The following DNER variants were observed in gnomAD, a reference collection of about 807,000 sequenced individuals.
The protein encoded by DNER is delta and Notch-like epidermal growth factor-related receptor.
Under a neutral mutation model 78.2 loss-of-function variants are expected in DNER, and 33 were observed. The observed-to-expected ratio is 0.42, with a 90% confidence interval of 0.32 to 0.56. The LOEUF is 0.56. DNER is among the 20% of genes least tolerant of loss of function. The probability of loss-of-function intolerance (pLI) is 0.11; values close to 1 mark genes in which losing one functional copy is unlikely to be tolerated. For missense variants in DNER, 918 were observed against 975.3 expected (o/e 0.94, Z 0.78); for synonymous variants, 417 against 384.8 (o/e 1.08, Z -0.98).
At chr2:229,497,568 A>C (rs1370429533) in intron 6 of DNER, among the ~76,000 whole-genome samples, 3 of 152,156 alleles carry the variant, frequency 2.0e-5, no homozygotes, top group African/African-American at 7.2e-5. Flanking sequence ...AAAGTAAAAA[A>C]GAAGACTTAA....
Position 229,447,417 on chromosome 2 carries a change from C to T in DNER, c.1385G>A (p.Gly462Glu), listed in dbSNP as rs745866460. The change falls in exon 8 of 13, where the codon GGG (glycine) becomes GAG (glutamate). Residue 462 changes from glycine to glutamate, a missense_variant. Physicochemically the swap from Gly to Glu is moderately conservative, Grantham distance 98 (BLOSUM62 -2). Transcript: ENST00000341772. ...FTCNCSPGFTGPTCAQLIDFC... is the reference protein window; with the variant it reads ...FTCNCSPGFTEPTCAQLIDFC... ...GTCAATAAGCTGGGCACAGGTCGGC[C>T]CTGTGAAGCCCGGGCTGCAGTTGCA... 6.3e-5 allele frequency: 102 copies of T among 1,613,846 alleles called. No homozygotes were observed. The Middle Eastern group carries it at 6.6e-4, about 10-fold the overall frequency.
At chr2:229,455,412 T>C (rs1446870215) in intron 7 of DNER, among the ~76,000 whole-genome samples, 1 of 152,100 alleles carries the variant, frequency 6.6e-6, no homozygotes, top group East Asian at 1.9e-4. Context: ...TAAACGGTGG[T>C]TCTGGGGTAA....
intron 1 of DNER, among the ~76,000 whole-genome samples, chr2:229,617,210 A>C (rs1234001567): frequency 6.6e-6 from 1 of 152,238 alleles, no homozygotes; most frequent in African/African-American, 2.4e-5. Context: ...TTGATTCCAT[A>C]ACAGTAAATG....
rs1002475477 is a variant in DNER, at chr2:229,550,486, C to A, written c.848-3394G>T. On this transcript the variant is annotated intron_variant, in intron 4 of 12. Transcript: ENST00000341772. ...TCCTCACAATTTGTTCTTATAAGTA[C>A]GTTAAGTTGGCCGGGCGCAGTGGCT... Among the ~76,000 whole-genome samples, 7 of 152,046 alleles carry A rather than the reference C, an allele frequency of 4.6e-5. No individual in the cohort carries two copies. The East Asian group carries it at 1.4e-3, about 30-fold the overall frequency.
chr2:229,503,542 C>T (rs899842143), intron 6 of DNER, among the ~76,000 whole-genome samples: 1 of 152,120 alleles, frequency 6.6e-6, no homozygotes, highest in Admixed American at 6.5e-5. Flanking sequence ...ATAACAGATG[C>T]CTTAAAGGGT....
In DNER at chr2:229,407,314, G is replaced by T; in HGVS notation, c.1641C>A (p.Cys547Ter). ...CTCCGTTCAGACAGCTGACGTTAGC[G>T]CAGGGATCCTTGTACAATTCACAGT... is the stretch of plus-strand genomic sequence containing the variant. ...GTHCELYKDP[C>*]ANVSCLNGAT... Residue 547 changes from cysteine (C) to a stop codon, truncating the protein, a stop_gained, in exon 10 of 13, where the codon TGC becomes TGA. Coordinates refer to ENST00000341772, the MANE Select transcript of DNER (RefSeq NM_139072.4). LOFTEE classifies it high-confidence loss of function. 1.2e-6 allele frequency: 2 copies of T among 1,613,904 alleles called. No individual in the cohort carries two copies. Among genetic ancestry groups the T allele is most frequent in the Non-Finnish European group, 1.7e-6 (2 of 1,179,838 alleles).
intron 5 of DNER, among the ~76,000 whole-genome samples, chr2:229,524,019 C>G (rs1574884552): frequency 6.6e-6 from 1 of 152,240 alleles, no homozygotes; most frequent in South Asian, 2.1e-4. Flanking sequence ...CTCATAGCTA[C>G]CTCTGAGGTG....
chr2:229,473,415 GTC>G (rs1694966254), intron 7 of DNER, among the ~76,000 whole-genome samples: 1 of 152,204 alleles, frequency 6.6e-6, no homozygotes, highest in Non-Finnish European at 1.5e-5. Flanking sequence ...TCTGGGTTTA[GTC>G]TCCATTTCTG....
intron 1 of DNER, among the ~76,000 whole-genome samples, chr2:229,711,956 C>T (rs1020177042): frequency 2.0e-5 from 3 of 151,684 alleles, no homozygotes; most frequent in Non-Finnish European, 2.9e-5. Flanking sequence ...AGATCATGAA[C>T]GATTAAATTA....
At chr2:229,525,336 T>C (rs75116838) in intron 5 of DNER, among the ~76,000 whole-genome samples, 1,827 of 152,288 alleles carry the variant, frequency 0.012, 38 homozygotes, top group Middle Eastern at 0.054. Flanking sequence ...AGACTGTAAA[T>C]AAATTTTTAA....
At position 229,591,458 on chromosome 2, in the gene DNER, T is replaced by C. The variant is rs535921142; in HGVS notation, c.585+122A>G. On this transcript the variant is annotated intron_variant, in intron 2 of 12. Transcript: ENST00000341772. The surrounding 1 kb of genome is among the most constrained non-coding windows in gnomAD (Gnocchi z 4.6). Reference sequence around the variant, plus strand: ...GCAGACAGGAATAAGTTTAGGGAGATATTTTGCTTCGTGATTTAACTTAAA... The same window carrying C: ...GCAGACAGGAATAAGTTTAGGGAGACATTTTGCTTCGTGATTTAACTTAAA... 58 of 1,192,124 alleles carry C rather than the reference T, an allele frequency of 4.9e-5. No individual in the cohort carries two copies. In the African/African-American group the frequency reaches 8.0e-4, roughly 17 times the overall value. The allele number at this position is 1,192,124 out of a possible 1,614,324, so 73.8% of individuals were successfully genotyped here.
chr2:229,510,314 G>A (rs769269), intron 6 of DNER, among the ~76,000 whole-genome samples: 117,506 of 152,194 alleles, frequency 0.77, 47,747 homozygotes, highest in Non-Finnish European at 0.91. Context: ...CACTGCGAAG[G>A]GATGCCCTGC....
intron 6 of DNER, among the ~76,000 whole-genome samples, chr2:229,494,462 C>A (rs980964886): frequency 9.2e-5 from 14 of 152,204 alleles, no homozygotes; most frequent in Non-Finnish European, 1.8e-4. Context: ...CCAAGCAAGT[C>A]TAAAACTCTA....
rs145750235 is a variant in DNER at position 229,473,035 on chromosome 2, C to T, written c.1261+4105G>A. On this transcript the variant is annotated intron_variant, in intron 7 of 12. Coordinates refer to ENST00000341772, the MANE Select transcript of DNER (RefSeq NM_139072.4). ...ACCCAGAACAGATGTTCAATCTCTA[C>T]GGGCCTACCCAGGTCAGATGGAAAA... Among the ~76,000 whole-genome samples the T allele has an allele frequency of 2.3e-3, 352 of 152,178 alleles. 1 individual carries two copies. The highest frequency in any genetic ancestry group is 8.1e-3 in the African/African-American group (337 of 41,524).
At chr2:229,712,515 T>A (rs1200812808) in intron 1 of DNER, among the ~76,000 whole-genome samples, 1 of 152,182 alleles carries the variant, frequency 6.6e-6, no homozygotes, top group Admixed American at 6.5e-5. Flanking sequence ...CAACTATTTC[T>A]TTGAAGGATA....
chr2:229,681,969 C>G (rs1254233029), intron 1 of DNER, among the ~76,000 whole-genome samples: 1 of 151,900 alleles, frequency 6.6e-6, no homozygotes, highest in African/African-American at 2.4e-5. Context: ...CAACAGATTG[C>G]CAGATCCTCT....
chr2:229,419,215 G>T (rs1693712364), intron 8 of DNER, among the ~76,000 whole-genome samples: 1 of 152,090 alleles, frequency 6.6e-6, no homozygotes, highest in Non-Finnish European at 1.5e-5. Context: ...TTGCAAAACA[G>T]GTGTTTATTC....
At chr2:229,446,702 T>G (rs1694350082) in intron 8 of DNER, among the ~76,000 whole-genome samples, 1 of 152,218 alleles carries the variant, frequency 6.6e-6, no homozygotes, top group African/African-American at 2.4e-5. Context: ...AATCACTCAC[T>G]TCTAGGTATC....
At chr2:229,395,077 T>C (rs1693104451) in intron 10 of DNER, among the ~76,000 whole-genome samples, 3 of 152,140 alleles carry the variant, frequency 2.0e-5, no homozygotes, top group African/African-American at 7.2e-5. Flanking sequence ...GCAGACAGAT[T>C]CCTCTTGGGT....
Sources: allele counts gnomAD v4.1 joint callset (sites outside exome capture counted in the v4.1 genomes callset), GRCh38; gene constraint gnomAD v4.1.1; non-coding constraint Gnocchi (gnomAD v3.1); transcripts MANE v1.5; gene names NCBI Gene and HGNC (gene_info 2026-07-23, HGNC 2026-07-21).